Variants in RBFOX1 observed in about 807,000 individuals in gnomAD.
RBFOX1 encodes the protein RNA binding protein fox-1 homolog 1.
Under a neutral mutation model 57.7 loss-of-function variants are expected in RBFOX1, and 8 were observed. That is an observed-to-expected ratio of 0.14 (90% CI 0.08 to 0.25). RBFOX1 has a LOEUF of 0.25. Ranked by LOEUF, RBFOX1 falls within the 10% of genes least tolerant of loss-of-function variation. The pLI, the probability that RBFOX1 is intolerant of heterozygous loss-of-function variation, is 1.00. For missense variants in RBFOX1, 611 were observed against 548.5 expected (o/e 1.11, Z -1.14); for synonymous variants, 326 against 222.4 (o/e 1.47, Z -4.15).
At chr16:6,080,964 A>G (rs536050113) in intron 1 of RBFOX1, among the ~76,000 whole-genome samples, 2 of 152,326 alleles carry the variant, frequency 1.3e-5, no homozygotes, top group Non-Finnish European at 2.9e-5. Context: ...TCTAAATCCT[A>G]GTACCACCAA....
At chr16:6,734,146 C>T (rs1245821716) in intron 3 of RBFOX1, among the ~76,000 whole-genome samples, 1 of 152,142 alleles carries the variant, frequency 6.6e-6, no homozygotes, top group Non-Finnish European at 1.5e-5. Context: ...CAGGGTTCAA[C>T]AGGTTTATTT....
intron 3 of RBFOX1, among the ~76,000 whole-genome samples, chr16:6,960,136 G>A (rs1331693844): frequency 6.6e-6 from 1 of 152,036 alleles, no homozygotes; most frequent in African/African-American, 2.4e-5. Flanking sequence ...CAGGTCTTGA[G>A]AAATAAGTTT....
In RBFOX1 at chr16:6,360,195, G is replaced by T. The variant is rs149544374; in HGVS notation, c.-64+43138G>T. On this transcript the variant is annotated intron_variant, in intron 2 of 15. Transcript: ENST00000550418. ...TACCTTGTAATGAAAATAGGAAGAA[G>T]CAGGAAATGAATTTCTTATACATCA... Among the ~76,000 whole-genome samples the T allele has an allele frequency of 6.7e-4, 102 of 152,024 alleles. 1 individual carries two copies. Among genetic ancestry groups the T allele is most frequent in the African/African-American group, 2.3e-3 (96 of 41,472 alleles).
At chr16:7,459,807 T>G (rs1301580146) in intron 4 of RBFOX1, among the ~76,000 whole-genome samples, 1 of 152,214 alleles carries the variant, frequency 6.6e-6, no homozygotes, top group African/African-American at 2.4e-5. Flanking sequence ...CTGGTCCATC[T>G]TCTTTTAGAT....
intron 4 of RBFOX1, among the ~76,000 whole-genome samples, chr16:7,218,421 G>C (rs762951730): frequency 6.6e-6 from 1 of 152,146 alleles, no homozygotes; most frequent in Non-Finnish European, 1.5e-5. Flanking sequence ...TGGTGAAAGA[G>C]GGTGAGAGAT....
intron 1 of RBFOX1, among the ~76,000 whole-genome samples, chr16:5,342,439 T>C (rs898673672): frequency 4.6e-5 from 7 of 152,198 alleles, no homozygotes; most frequent in African/African-American, 1.7e-4. Flanking sequence ...TTGGACTCTA[T>C]TTCTTCCTGC....
At chr16:5,522,639 T>A (rs8048083) in intron 2 of RBFOX1, among the ~76,000 whole-genome samples, 1 of 152,070 alleles carries the variant, frequency 6.6e-6, no homozygotes, top group Non-Finnish European at 1.5e-5. Context: ...GATCTTATTC[T>A]TTCTTTGTTT....
chr16:5,503,026 G>A (rs1347133242), intron 2 of RBFOX1, among the ~76,000 whole-genome samples: 1 of 152,148 alleles, frequency 6.6e-6, no homozygotes, highest in Non-Finnish European at 1.5e-5. Flanking sequence ...TTCTTCCCTG[G>A]GGCTTTTCAG....
At position 7,134,941 on chromosome 16, in the gene RBFOX1, A is replaced by G. The variant is rs201383736; in HGVS notation, c.27+82843A>G. 1.0e-4 allele frequency among the ~76,000 whole-genome samples: 15 copies of G among 150,736 alleles called. No individual in the cohort carries two copies. In the East Asian group the frequency reaches 1.7e-3, roughly 18 times the overall value. On this transcript the variant is annotated intron_variant, in intron 4 of 15. Transcript: ENST00000550418. The stretch of plus-strand genomic sequence containing the variant: ...TTGAATTTATCTTTTTTTTTTTTCA[A>G]TTTTGATTAGCCGCGTTCCAAGAGA...
chr16:6,307,612 A>C (rs1172707652), intron 1 of RBFOX1, among the ~76,000 whole-genome samples: 1 of 148,074 alleles, frequency 6.8e-6, no homozygotes, highest in Non-Finnish European at 1.5e-5. Flanking sequence ...ATACATAATG[A>C]GTTTTAATTA....
intron 1 of RBFOX1, among the ~76,000 whole-genome samples, chr16:6,268,173 C>T (rs1019857384): frequency 1.6e-4 from 24 of 152,118 alleles, no homozygotes; most frequent in African/African-American, 5.6e-4. Context: ...TGTAGCAGAA[C>T]GTTATGCCTT....
chr16:7,709,447 C>A, intron 15 of RBFOX1: 3 of 1,309,534 alleles, frequency 2.3e-6, no homozygotes, highest in Non-Finnish European at 2.0e-6. Context: ...CAATGCAGAA[C>A]TTTTTTTTTT....
intron 14 of RBFOX1, among the ~76,000 whole-genome samples, chr16:7,686,399 C>A (rs940196343): frequency 6.6e-6 from 1 of 152,010 alleles, no homozygotes; most frequent in African/African-American, 2.4e-5. Flanking sequence ...CTTTTCTGCT[C>A]ATGGATCAGC....
intron 3 of RBFOX1, among the ~76,000 whole-genome samples, chr16:6,711,528 A>T (rs2063714883): frequency 1.3e-5 from 2 of 152,116 alleles, no homozygotes; most frequent in African/African-American, 4.8e-5. Flanking sequence ...CTCACAACAT[A>T]TGATGGTTTA....
chr16:7,094,765 T>TGTGG (rs1599321355), intron 4 of RBFOX1, among the ~76,000 whole-genome samples: 2 of 140,712 alleles, frequency 1.4e-5, no homozygotes, highest in South Asian at 4.7e-4. Context: ...TGTGTGTGTG[T>TGTGG]GTGTGTGTGT....
At chr16:5,375,503 G>A (rs1596727046) in intron 1 of RBFOX1, among the ~76,000 whole-genome samples, 1 of 152,220 alleles carries the variant, frequency 6.6e-6, no homozygotes. Flanking sequence ...GGGAGGGCCA[G>A]GGGGCAGGGG....
intron 2 of RBFOX1, among the ~76,000 whole-genome samples, chr16:5,519,360 A>G (rs1031825159): frequency 6.6e-6 from 1 of 152,170 alleles, no homozygotes; most frequent in African/African-American, 2.4e-5. Flanking sequence ...GGGGATCTGT[A>G]AGTGCTCTCT....
intron 3 of RBFOX1, among the ~76,000 whole-genome samples, chr16:5,712,051 C>G (rs12324973): frequency 1.1e-3 from 169 of 152,308 alleles, no homozygotes; most frequent in African/African-American, 4.0e-3. Context: ...GGAAAGCAGG[C>G]ATGTCTTACA....
intron 2 of RBFOX1, among the ~76,000 whole-genome samples, chr16:6,613,720 C>G (rs749435987): frequency 6.6e-6 from 1 of 152,130 alleles, no homozygotes; most frequent in Non-Finnish European, 1.5e-5. Flanking sequence ...GCAGATCACT[C>G]GAGGCCAAGC....
Sources: gnomAD v4.1 joint callset for allele counts (sites outside exome capture counted in the v4.1 genomes callset) on GRCh38, gnomAD v4.1.1 for gene constraint, MANE v1.5 for transcripts, NCBI Gene and HGNC (gene_info 2026-07-23, HGNC 2026-07-21) for gene names.